The following OLFM3 variants were observed in gnomAD, a reference collection of about 807,000 sequenced individuals.
OLFM3 encodes the protein olfactomedin 3, also known as noelin-3.
Under a neutral mutation model 48.6 loss-of-function variants are expected in OLFM3, and 20 were observed. The ratio of observed to expected loss-of-function variants is 0.41; its 90% CI spans 0.29 to 0.60. The LOEUF (loss-of-function observed/expected upper bound fraction) is 0.60, where lower values mean the gene tolerates loss of function less well. Among genes scored for constraint, OLFM3 ranks in the 20% least tolerant of loss-of-function variants. OLFM3 has a pLI of 0.28. For missense variants in OLFM3, 437 were observed against 544.3 expected, an observed-to-expected ratio of 0.80 and a Z score of 1.96; for synonymous variants, 222 against 198.1, an observed-to-expected ratio of 1.12 and a Z score of -1.01.
chr1:101,877,022 T>C (rs181988661), intron 1 of OLFM3, among the ~76,000 whole-genome samples: 117 of 152,096 alleles, frequency 7.7e-4, no homozygotes, highest in African/African-American at 2.8e-3. Flanking sequence ...AACATACTTG[T>C]TGGTGAATGG....
At chr1:101,812,187 G>T (rs1205969736) in intron 4 of OLFM3, among the ~76,000 whole-genome samples, 7 of 151,910 alleles carry the variant, frequency 4.6e-5, no homozygotes, top group Admixed American at 3.9e-4. Context: ...GCCTTTCATG[G>T]GGTGGGGGGA....
intron 1 of OLFM3, among the ~76,000 whole-genome samples, chr1:101,969,892 A>T (rs1326530861): frequency 6.6e-6 from 1 of 152,144 alleles, no homozygotes; most frequent in African/African-American, 2.4e-5. Flanking sequence ...GACTTGATTA[A>T]AAAGGGGAGC....
chr1:101,858,510 G>C (rs1312236295), intron 1 of OLFM3, among the ~76,000 whole-genome samples: 1 of 151,868 alleles, frequency 6.6e-6, no homozygotes, highest in Non-Finnish European at 1.5e-5. Flanking sequence ...AATGTGCAAT[G>C]GGTCATTGAT....
At chr1:101,949,855 G>A (rs371523241) in intron 1 of OLFM3, among the ~76,000 whole-genome samples, 6 of 151,204 alleles carry the variant, frequency 4.0e-5, no homozygotes, top group Non-Finnish European at 5.9e-5. Context: ...GCGTAAACCC[G>A]GGAGGCGGAG....
chr1:101,973,645 A>G (rs1660870939), intron 1 of OLFM3, among the ~76,000 whole-genome samples: 2 of 152,178 alleles, frequency 1.3e-5, no homozygotes, highest in South Asian at 4.1e-4. Flanking sequence ...ACCATGAAAA[A>G]TCAGTAGGCT....
chr1:101,907,107 T>G (rs1387025706), intron 1 of OLFM3, among the ~76,000 whole-genome samples: 4 of 152,186 alleles, frequency 2.6e-5, no homozygotes, highest in Non-Finnish European at 5.9e-5. Context: ...ACATGTGCTC[T>G]TAGACCAGGT....
At chr1:101,953,608 T>C (rs1660207777) in intron 1 of OLFM3, among the ~76,000 whole-genome samples, 1 of 152,168 alleles carries the variant, frequency 6.6e-6, no homozygotes, top group South Asian at 2.1e-4. Flanking sequence ...ACTTTTTGGT[T>C]TATCCAATTA....
At chr1:101,982,530 G>A (rs977656640) in intron 1 of OLFM3, among the ~76,000 whole-genome samples, 1 of 152,086 alleles carries the variant, frequency 6.6e-6, no homozygotes, top group African/African-American at 2.4e-5. Context: ...TTTGAACAAC[G>A]AATATTTTGC....
Position 101,897,944 on chromosome 1 carries a change from T to G in OLFM3, c.70-60919A>C, listed in dbSNP as rs1658259587. ...TTTCCAAAATTTCTTATAAGTCATA[T>G]AAACAATTAATATGTTTTGACTGAG... On this transcript the variant is annotated intron_variant, in intron 1 of 5. Transcript: ENST00000370103. Among the ~76,000 whole-genome samples, 3 of 152,258 alleles carry G rather than the reference T, an allele frequency of 2.0e-5. No individual in the cohort carries two copies. The South Asian group carries it at 6.2e-4, about 32-fold the overall frequency.
intron 2 of OLFM3, among the ~76,000 whole-genome samples, chr1:101,831,436 T>C (rs1448787445): frequency 1.3e-5 from 2 of 152,144 alleles, no homozygotes; most frequent in African/African-American, 4.8e-5. Flanking sequence ...AGACAGGACT[T>C]AAACACATTT....
Position 101,804,966 on chromosome 1 carries a change from G to A in OLFM3, c.700-51C>T. The A allele has an allele frequency of 7.1e-7, 1 of 1,398,940 alleles. No individual in the cohort carries two copies. Among genetic ancestry groups the A allele is most frequent in the South Asian group, 1.3e-5 (1 of 75,078 alleles). 86.7% of individuals were successfully genotyped at this position (1,398,940 alleles called of 1,614,324 possible). ...GAGTGACTAAATTCTGTACTTTTCT[G>A]ATAACCCCAAAAGAAAGACAGTGAG... On this transcript the variant is annotated intron_variant, in intron 5 of 5. Coordinates refer to ENST00000370103, the MANE Select transcript of OLFM3 (RefSeq NM_058170.4). This position sits in a 1 kb window ranked among gnomAD's most constrained non-coding sequence, Gnocchi z 4.5.
chr1:101,828,261 T>G (rs1036532504), intron 3 of OLFM3, among the ~76,000 whole-genome samples: 5 of 152,206 alleles, frequency 3.3e-5, no homozygotes, highest in Non-Finnish European at 1.5e-5. Flanking sequence ...TGTGCTCCAG[T>G]TTCCTTATCT....
At chr1:101,897,574 C>T (rs1658248876) in intron 1 of OLFM3, among the ~76,000 whole-genome samples, 1 of 152,046 alleles carries the variant, frequency 6.6e-6, no homozygotes, top group African/African-American at 2.4e-5. Flanking sequence ...TACTAGAGTG[C>T]ATATTTTTTA....
intron 4 of OLFM3, among the ~76,000 whole-genome samples, chr1:101,811,410 G>A (rs891337560): frequency 9.2e-5 from 14 of 151,922 alleles, no homozygotes; most frequent in Non-Finnish European, 1.9e-4. Context: ...GCAACCTACA[G>A]AATGAGAGAA....
At chr1:101,982,287 A>G (rs964487412) in intron 1 of OLFM3, among the ~76,000 whole-genome samples, 2 of 152,172 alleles carry the variant, frequency 1.3e-5, no homozygotes, top group African/African-American at 4.8e-5. Flanking sequence ...GACAATCACA[A>G]TGAAATCATG....
chr1:101,881,235 GT>G (rs1657514156), intron 1 of OLFM3, among the ~76,000 whole-genome samples: 1 of 151,944 alleles, frequency 6.6e-6, no homozygotes, highest in South Asian at 2.1e-4. Context: ...AGCCTATTAA[GT>G]TTTTATTTTC....
intron 1 of OLFM3, among the ~76,000 whole-genome samples, chr1:101,991,017 ATATATATAT>A (rs1396420988): frequency 0.012 from 409 of 34,448 alleles, 5 homozygotes; most frequent in African/African-American, 0.057. Flanking sequence ...AAAAAAAAAA[ATATATATAT>A]ATATATATAT....
At chr1:101,873,013 A>C (rs912752315) in intron 1 of OLFM3, among the ~76,000 whole-genome samples, 1 of 152,012 alleles carries the variant, frequency 6.6e-6, no homozygotes, top group Non-Finnish European at 1.5e-5. Context: ...GTTTCAGTGA[A>C]TACTTAAAAT....
intron 1 of OLFM3, among the ~76,000 whole-genome samples, chr1:101,925,350 C>T (rs1159774076): frequency 6.6e-6 from 1 of 151,414 alleles, no homozygotes; most frequent in Non-Finnish European, 1.5e-5. Context: ...ATATCACTGT[C>T]TTTAAGAAGC....
Sources: gnomAD v4.1 joint callset for allele counts (sites outside exome capture counted in the v4.1 genomes callset) on GRCh38, gnomAD v4.1.1 for gene constraint, Gnocchi (gnomAD v3.1) non-coding constraint, MANE v1.5 for transcripts, NCBI Gene and HGNC (gene_info 2026-07-23, HGNC 2026-07-21) for gene names.